The following CUX1 variants were observed in gnomAD, a reference collection of about 807,000 sequenced individuals.
CUX1 encodes the protein protein CASP.
CUX1 carries 31 observed loss-of-function variants against 158.8 expected under a neutral mutation model. That is an observed-to-expected ratio of 0.20 (90% CI 0.15 to 0.26). The LOEUF (loss-of-function observed/expected upper bound fraction) is 0.26. CUX1 is among the 10% of genes least tolerant of loss of function. The pLI is 1.00. For synonymous variants in CUX1, 879 were observed against 862.1 expected (o/e 1.02, Z -0.34); for missense variants, 1,589 against 2,014.6 (o/e 0.79, Z 4.04).
intron 18 of CUX1, among the ~76,000 whole-genome samples, chr7:102,203,751 A>C (rs1554520372): frequency 6.6e-6 from 1 of 152,050 alleles, no homozygotes; most frequent in Non-Finnish European, 1.5e-5. Flanking sequence ...GTGCCTATAC[A>C]TATGTATGGC....
chr7:101,865,616 G>A (rs554439774), intron 1 of CUX1, among the ~76,000 whole-genome samples: 41 of 152,342 alleles, frequency 2.7e-4, no homozygotes, highest in African/African-American at 9.4e-4. Context: ...GCCAGCGTCC[G>A]AGCGTTTCCA....
intron 3 of CUX1, among the ~76,000 whole-genome samples, chr7:102,063,216 G>A (rs1825130033): frequency 6.6e-6 from 1 of 152,032 alleles, no homozygotes; most frequent in African/African-American, 2.4e-5. Context: ...TAGTGCAGAT[G>A]TGCGGGTCAC....
chr7:102,134,888 G>A (rs782817833), intron 8 of CUX1, among the ~76,000 whole-genome samples: 15 of 152,078 alleles, frequency 9.9e-5, no homozygotes, highest in Non-Finnish European at 2.1e-4. Flanking sequence ...GAGTCACAGC[G>A]CCAGGTCCCT....
chr7:101,921,442 T>TAA (rs1804925502), intron 2 of CUX1, among the ~76,000 whole-genome samples: 1 of 151,236 alleles, frequency 6.6e-6, no homozygotes, highest in African/African-American at 2.4e-5. Flanking sequence ...TTATTTTATT[T>TAA]TATTTATTTA....
rs202024814 is a variant in CUX1 at position 101,825,807 on chromosome 7, G to A, written c.30+8138G>A. 9.9e-3 allele frequency among the ~76,000 whole-genome samples: 1,471 copies of A among 149,312 alleles called. 36 individuals carry two copies. Among genetic ancestry groups the A allele is most frequent in the East Asian group, 0.085 (428 of 5,064 alleles). ...TGTGTGTGTGTGTGTGTGCGCGCGC[G>A]CGCGCAGTTAGTCTTCGGGGCTGCT... On this transcript the variant is annotated intron_variant, in intron 1 of 23. Coordinates refer to ENST00000292535, the MANE Select transcript of CUX1 (RefSeq NM_181552.4).
intron 5 of CUX1, among the ~76,000 whole-genome samples, chr7:102,099,489 T>TCC (rs781875321): frequency 6.6e-6 from 1 of 150,814 alleles, no homozygotes; most frequent in Non-Finnish European, 1.5e-5. Flanking sequence ...TTTTTTTTTT[T>TCC]CCCCTTCATT....
intron 1 of CUX1, among the ~76,000 whole-genome samples, chr7:101,876,347 A>T (rs971673397): frequency 6.6e-6 from 1 of 151,282 alleles, no homozygotes; most frequent in East Asian, 2.0e-4. Context: ...AAAAACAAAA[A>T]AAAAACCTGA....
rs527482121 is a variant in CUX1 at position 102,018,552 on chromosome 7, A to T, written c.142-9546A>T. On this transcript the variant is annotated intron_variant, in intron 2 of 23. Transcript: ENST00000292535. ...TCTCACTGGGGTGTCTGATCCCCAG[A>T]TGCCAACGAGGCTCTGGCTGTCCTG... Among the ~76,000 whole-genome samples, 4 of 152,186 alleles carry T rather than the reference A, an allele frequency of 2.6e-5. No individual in the cohort carries two copies. The South Asian group carries it at 8.3e-4, about 31-fold the overall frequency.
chr7:101,915,420 C>T (rs575273948), intron 1 of CUX1, among the ~76,000 whole-genome samples: 2 of 152,232 alleles, frequency 1.3e-5, no homozygotes, highest in East Asian at 3.9e-4. Flanking sequence ...AGCGTTCCCG[C>T]GCAAGTAATG....
rs542955562 is a variant in CUX1, at chr7:102,168,036, C to G, written c.724-2410C>G. Among the ~76,000 whole-genome samples the G allele has an allele frequency of 3.7e-3, 562 of 151,676 alleles. 2 individuals carry two copies. Among genetic ancestry groups the G allele is most frequent in the African/African-American group, 0.013 (545 of 41,334 alleles). On this transcript the variant is annotated intron_variant, in intron 9 of 23. Coordinates refer to ENST00000292535, the MANE Select transcript of CUX1 (RefSeq NM_181552.4). ...GAGGTTGCAGTTAACTGAGATTGCA[C>G]CACTGCACTCCAGCCTGGGTGACAG... is the stretch of plus-strand genomic sequence containing the variant.
At chr7:101,929,691 A>C (rs187745861) in intron 2 of CUX1, among the ~76,000 whole-genome samples, 1 of 152,240 alleles carries the variant, frequency 6.6e-6, no homozygotes, top group East Asian at 1.9e-4. Flanking sequence ...CTGCCCCTGG[A>C]AGTCACCCTG....
At chr7:102,152,723 C>T (rs900000952) in intron 8 of CUX1, among the ~76,000 whole-genome samples, 2 of 152,164 alleles carry the variant, frequency 1.3e-5, no homozygotes, top group South Asian at 2.1e-4. Flanking sequence ...AGCGTTTCCT[C>T]GCCAACTGCA....
intron 21 of CUX1, among the ~76,000 whole-genome samples, chr7:102,232,384 AC>A (rs1368000147): frequency 3.9e-5 from 6 of 152,116 alleles, no homozygotes; most frequent in Admixed American, 3.9e-4. Context: ...TAGGCAGTAA[AC>A]TTTTACTTGG....
At chr7:102,161,615 A>G (rs782122180) in intron 9 of CUX1, among the ~76,000 whole-genome samples, 3 of 152,076 alleles carry the variant, frequency 2.0e-5, no homozygotes, top group Non-Finnish European at 4.4e-5. Context: ...AAATTTATTT[A>G]TTTTTCTTCT....
In CUX1 at chr7:102,227,520, C is replaced by T. The variant is rs782176246; in HGVS notation, c.3284C>T (p.Pro1095Leu). The T allele has an allele frequency of 2.9e-5, 47 of 1,614,006 alleles. 1 individual carries two copies. Among genetic ancestry groups the T allele is most frequent in the East Asian group, 1.6e-4 (7 of 44,898 alleles). ...KDSKPPEPSD[P>L]PASDSQPTTP... ...AGCAAGCCACCAGAGCCCAGTGACC[C>T]GCCAGCATCCGACTCCCAGCCCACA... Residue 1095 changes from proline (P) to leucine (L), a missense_variant, in exon 21 of 24, where the codon CCG (proline) becomes CTG (leucine). Pro to Leu is a moderately conservative substitution (Grantham distance 98). Transcript: ENST00000292535.
intron 2 of CUX1, among the ~76,000 whole-genome samples, chr7:101,917,675 G>A (rs369881710): frequency 5.3e-5 from 8 of 152,262 alleles, no homozygotes; most frequent in Middle Eastern, 3.4e-3. Flanking sequence ...CTGGAACTCC[G>A]GTTTCCTGAG....
Position 101,894,673 on chromosome 7 carries a change from T to G in CUX1, c.31-21442T>G, listed in dbSNP as rs974944354. 5.9e-5 allele frequency among the ~76,000 whole-genome samples: 9 copies of G among 152,288 alleles called. No individual in the cohort carries two copies. In the South Asian group the frequency reaches 1.7e-3, roughly 28 times the overall value. ...AATGGAATGCCCAGTACAAAGCAGTTTTTAGGCTTTTGCAGCCACTCAGAT... is the reference window on the plus strand; with the variant it reads ...AATGGAATGCCCAGTACAAAGCAGTGTTTAGGCTTTTGCAGCCACTCAGAT... On this transcript the variant is annotated intron_variant, in intron 1 of 23. Transcript: ENST00000292535.
intron 7 of CUX1, among the ~76,000 whole-genome samples, chr7:102,113,923 A>C (rs1831196427): frequency 6.6e-6 from 1 of 152,194 alleles, no homozygotes; most frequent in Admixed American, 6.5e-5. Context: ...AATTATTGAA[A>C]CATCCAGTGT....
chr7:101,886,359 A>C (rs1216174086), intron 1 of CUX1, among the ~76,000 whole-genome samples: 1 of 151,340 alleles, frequency 6.6e-6, no homozygotes, highest in African/African-American at 2.4e-5. Context: ...ATGCCCAACT[A>C]ATTTTTTTTT....
Sources: allele counts gnomAD v4.1 joint callset (sites outside exome capture counted in the v4.1 genomes callset), GRCh38; gene constraint gnomAD v4.1.1; transcripts MANE v1.5; gene names NCBI Gene and HGNC (gene_info 2026-07-23, HGNC 2026-07-21).